The following LRRC1 variants were observed in gnomAD, a reference collection of about 807,000 sequenced individuals.
LRRC1 encodes leucine rich repeat containing 1.
A neutral mutation model predicts 69.9 loss-of-function variants in LRRC1; 28 were observed. The ratio of observed to expected loss-of-function variants is 0.40; its 90% CI spans 0.30 to 0.55. The LOEUF (loss-of-function observed/expected upper bound fraction) is 0.55. LRRC1 is among the 20% of genes least tolerant of loss of function. The pLI is 0.47. For missense variants in LRRC1, 498 were observed against 609.0 expected, an observed-to-expected ratio of 0.82 and a Z score of 1.92; for synonymous variants, 236 against 240.2, an observed-to-expected ratio of 0.98 and a Z score of 0.16.
intron 2 of LRRC1, among the ~76,000 whole-genome samples, chr6:53,878,542 C>T (rs1176716628): frequency 6.6e-6 from 1 of 152,184 alleles, no homozygotes; most frequent in Non-Finnish European, 1.5e-5. Flanking sequence ...AGGGCTCATG[C>T]TCTTATGAGA....
At chr6:53,875,071 G>A (rs933127602) in intron 2 of LRRC1, among the ~76,000 whole-genome samples, 1 of 152,204 alleles carries the variant, frequency 6.6e-6, no homozygotes, top group African/African-American at 2.4e-5. Flanking sequence ...ACGGCATCTT[G>A]TACAGGCTGA....
intron 4 of LRRC1, 119 bp from the exon 5 acceptor site, chr6:53,896,379 A>G: frequency 1.3e-6 from 1 of 772,844 alleles, no homozygotes. Flanking sequence ...TACCCTGGTA[A>G]GTGACCTACT....
In LRRC1 at chr6:53,802,056, G is replaced by A. The variant is rs113975451; in HGVS notation, c.159+6641G>A. On this transcript the variant is annotated intron_variant, in intron 1 of 13. Coordinates refer to ENST00000370888, the MANE Select transcript of LRRC1 (RefSeq NM_018214.5). The stretch of plus-strand genomic sequence containing the variant: ...AGCAAGCAAGAAACTCCTGCAACAT[G>A]TGTGCATTTACTGGTATGCTGTACT... Among the ~76,000 whole-genome samples the A allele has an allele frequency of 8.1e-3, 1,237 of 152,304 alleles. 13 individuals carry two copies. The highest frequency in any genetic ancestry group is 0.027 in the African/African-American group (1,127 of 41,552).
At chr6:53,900,168 G>A (rs562683989) in intron 8 of LRRC1, among the ~76,000 whole-genome samples, 1 of 151,630 alleles carries the variant, frequency 6.6e-6, no homozygotes, top group East Asian at 1.9e-4. Context: ...CTCCCGAATA[G>A]CTGGGACCAC....
At chr6:53,870,352 T>C (rs1766842313) in intron 2 of LRRC1, among the ~76,000 whole-genome samples, 2 of 152,334 alleles carry the variant, frequency 1.3e-5, no homozygotes, top group East Asian at 3.9e-4. Context: ...CTGTGCTTCT[T>C]TGAGTTTTGT....
At chr6:53,795,620 C>G (rs1168630142) in intron 1 of LRRC1, among the ~76,000 whole-genome samples, 2 of 152,160 alleles carry the variant, frequency 1.3e-5, no homozygotes, top group Non-Finnish European at 2.9e-5. Context: ...TCAAAGTGAC[C>G]GGATATTTTG....
chr6:53,809,770 CAG>C (rs1764739009), intron 1 of LRRC1, among the ~76,000 whole-genome samples: 1 of 152,152 alleles, frequency 6.6e-6, no homozygotes, highest in Non-Finnish European at 1.5e-5. Flanking sequence ...CCTAGAGAGA[CAG>C]AGGAATGTAT....
At chr6:53,810,386 C>T (rs1426633992) in intron 1 of LRRC1, among the ~76,000 whole-genome samples, 1 of 152,080 alleles carries the variant, frequency 6.6e-6, no homozygotes, top group Non-Finnish European at 1.5e-5. Flanking sequence ...TTTGGGAGGC[C>T]GAGGCAGGCG....
At chr6:53,795,480 C>A in intron 1 of LRRC1, 65 bp downstream of exon 1, 1 of 1,471,104 alleles carries the variant, frequency 6.8e-7, no homozygotes, top group East Asian at 2.5e-5. Flanking sequence ...CTCCCATCCT[C>A]TCTCGTCCCC....
chr6:53,822,070 C>G (rs1378431657), intron 1 of LRRC1, among the ~76,000 whole-genome samples: 5 of 152,088 alleles, frequency 3.3e-5, no homozygotes, highest in Non-Finnish European at 7.4e-5. Flanking sequence ...GACAGTTTCT[C>G]TTTGTTGTTA....
chr6:53,920,908 G>A lies in LRRC1; in HGVS notation c.1416+147G>A, dbSNP rs540400182. ...GAATTTTTTTAGAAGACAAAGATAGGTAATTCTAGGTACTCACTCACAAAA... is the reference window on the plus strand; with the variant it reads ...GAATTTTTTTAGAAGACAAAGATAGATAATTCTAGGTACTCACTCACAAAA... On this transcript the variant is annotated intron_variant, in intron 13 of 13. Transcript: ENST00000370888. 784 of 792,486 alleles carry A rather than the reference G, an allele frequency of 9.9e-4. 13 individuals carry two copies. In the South Asian group the frequency reaches 0.014, roughly 14 times the overall value. The allele number at this position is 792,486 out of a possible 1,614,324, so 49.1% of individuals were successfully genotyped here.
At chr6:53,824,818 A>G (rs1366456709) in intron 1 of LRRC1, among the ~76,000 whole-genome samples, 3 of 152,210 alleles carry the variant, frequency 2.0e-5, no homozygotes, top group Non-Finnish European at 4.4e-5. Context: ...GGTACTTTGT[A>G]GATCAACCAT....
chr6:53,824,173 A>G (rs1765195056), intron 1 of LRRC1, among the ~76,000 whole-genome samples: 1 of 151,764 alleles, frequency 6.6e-6, no homozygotes, highest in South Asian at 2.1e-4. Context: ...TTGACTTTTC[A>G]ATAATAGCCA....
chr6:53,886,568 T>C (rs1767487506), intron 4 of LRRC1, among the ~76,000 whole-genome samples: 1 of 152,228 alleles, frequency 6.6e-6, no homozygotes, highest in South Asian at 2.1e-4. Flanking sequence ...GCATCATTTA[T>C]TTTTGTGCAT....
chr6:53,838,622 C>G (rs1765677892), intron 1 of LRRC1, among the ~76,000 whole-genome samples: 1 of 152,096 alleles, frequency 6.6e-6, no homozygotes, highest in Non-Finnish European at 1.5e-5. Context: ...ACTGTCAAGA[C>G]TCTGTACAAT....
chr6:53,919,226 T>C, intron 11 of LRRC1: 1 of 111,694 alleles, frequency 9.0e-6, no homozygotes, highest in Admixed American at 1.5e-4. Flanking sequence ...TAATTTTCTC[T>C]CTCTTTTTTT....
chr6:53,836,342 A>G (rs1466292429), intron 1 of LRRC1, among the ~76,000 whole-genome samples: 1 of 152,226 alleles, frequency 6.6e-6, no homozygotes, highest in Non-Finnish European at 1.5e-5. Flanking sequence ...ATTCAGTAAA[A>G]GCTAACTTAT....
At chr6:53,813,051 C>T (rs968141803) in intron 1 of LRRC1, among the ~76,000 whole-genome samples, 1 of 151,782 alleles carries the variant, frequency 6.6e-6, no homozygotes, top group Non-Finnish European at 1.5e-5. Flanking sequence ...GATGGGGCCA[C>T]TGAGGATGCC....
intron 1 of LRRC1, among the ~76,000 whole-genome samples, chr6:53,809,592 A>G (rs143546752): frequency 7.5e-4 from 114 of 152,364 alleles, no homozygotes; most frequent in African/African-American, 2.6e-3. Context: ...AATACAGCAG[A>G]AGATATTTAC....
Sources: allele counts gnomAD v4.1 joint callset (sites outside exome capture counted in the v4.1 genomes callset), GRCh38; gene constraint gnomAD v4.1.1; transcripts MANE v1.5; gene names NCBI Gene and HGNC (gene_info 2026-07-23, HGNC 2026-07-21).